The following PLD5 variants were observed in gnomAD, a reference collection of about 807,000 sequenced individuals.
The protein encoded by PLD5 is inactive phospholipase D5.
A neutral mutation model predicts 61.1 loss-of-function variants in PLD5; 36 were observed. That is an observed-to-expected ratio of 0.59 (90% CI 0.45 to 0.78). The LOEUF (loss-of-function observed/expected upper bound fraction) is 0.78, where lower values mean the gene tolerates loss of function less well. Among genes scored for constraint, PLD5 ranks in the 30% least tolerant of loss-of-function variants. PLD5 has a pLI of 0.00. For missense variants in PLD5, 515 were observed against 644.4 expected, an observed-to-expected ratio of 0.80 and a Z score of 2.17; for synonymous variants, 243 against 242.8, an observed-to-expected ratio of 1.00 and a Z score of -0.01.
intron 5 of PLD5, 117 bp from the exon 6 acceptor site, chr1:242,124,782 G>GT: frequency 1.3e-6 from 1 of 793,856 alleles, no homozygotes; most frequent in East Asian, 2.7e-5. Flanking sequence ...TGCATTTGAA[G>GT]TAAGTAGATA....
intron 1 of PLD5, among the ~76,000 whole-genome samples, chr1:242,500,600 A>G (rs2809988): frequency 0.82 from 124,945 of 152,164 alleles, 51,338 homozygotes; most frequent in East Asian, 0.88. Context: ...AGTTGCAGTC[A>G]GTAACTAAGG....
chr1:242,490,213 C>T (rs1254276778), intron 1 of PLD5, among the ~76,000 whole-genome samples: 1 of 152,164 alleles, frequency 6.6e-6, no homozygotes, highest in African/African-American at 2.4e-5. Flanking sequence ...AGGTTTGGGT[C>T]TTACTGGTGA....
chr1:242,308,709 A>G (rs1676520162), intron 2 of PLD5, among the ~76,000 whole-genome samples: 2 of 152,212 alleles, frequency 1.3e-5, no homozygotes, highest in African/African-American at 2.4e-5. Context: ...TTTTCAGACT[A>G]TTACTACTGG....
At chr1:242,202,402 G>T (rs1210437299) in intron 5 of PLD5, among the ~76,000 whole-genome samples, 3 of 152,122 alleles carry the variant, frequency 2.0e-5, no homozygotes, top group Non-Finnish European at 4.4e-5. Flanking sequence ...AGCTTACAAT[G>T]TGTAAGCTTT....
At chr1:242,278,254 G>GA (rs1223447100) in intron 3 of PLD5, among the ~76,000 whole-genome samples, 12 of 151,926 alleles carry the variant, frequency 7.9e-5, no homozygotes, top group Non-Finnish European at 2.9e-5. Context: ...AAGATACAGA[G>GA]AAAAAATAAA....
intron 7 of PLD5, among the ~76,000 whole-genome samples, chr1:242,111,435 A>T (rs931806687): frequency 2.6e-5 from 4 of 152,058 alleles, no homozygotes; most frequent in Non-Finnish European, 5.9e-5. Context: ...TGAAAACTAG[A>T]AGTTATTTCT....
intron 1 of PLD5, among the ~76,000 whole-genome samples, chr1:242,446,007 C>T (rs1170539471): frequency 6.6e-6 from 1 of 151,732 alleles, no homozygotes; most frequent in Non-Finnish European, 1.5e-5. Context: ...TTCTATTTTA[C>T]ACAAATATAT....
chr1:242,163,178 C>G lies in PLD5; in HGVS notation c.736-38513G>C, dbSNP rs562535829. ...TTTCTTGAGACGACGGAGTCTCACT[C>G]TGTCACCCAGGCTGGAGTGCAGTGG... is the stretch of plus-strand genomic sequence containing the variant. On this transcript the variant is annotated intron_variant, in intron 5 of 9. Transcript: ENST00000536534. Among the ~76,000 whole-genome samples, 15 of 142,248 alleles carry G rather than the reference C, an allele frequency of 1.1e-4. 1 individual carries two copies. The South Asian group carries it at 3.1e-3, about 30-fold the overall frequency. The allele number at this position is 142,248 out of a possible 152,430, so 93.3% of individuals were successfully genotyped here.
At chr1:242,341,390 C>T (rs1462694591) in intron 2 of PLD5, among the ~76,000 whole-genome samples, 8 of 152,308 alleles carry the variant, frequency 5.3e-5, no homozygotes, top group Non-Finnish European at 1.0e-4. Context: ...GTGTACTATG[C>T]TGAAGCGGCA....
chr1:242,490,932 G>GAAT (rs1253545508), intron 1 of PLD5, among the ~76,000 whole-genome samples: 2 of 152,130 alleles, frequency 1.3e-5, no homozygotes, highest in African/African-American at 4.8e-5. Context: ...AGCACATTTT[G>GAAT]AATAACAAGG....
At chr1:242,225,052 CA>C (rs1227189528) in intron 4 of PLD5, among the ~76,000 whole-genome samples, 1 of 152,176 alleles carries the variant, frequency 6.6e-6, no homozygotes, top group East Asian at 1.9e-4. Context: ...GAATGTCATA[CA>C]AATTGAGTCA....
intron 1 of PLD5, among the ~76,000 whole-genome samples, chr1:242,369,330 T>G (rs1661508184): frequency 6.6e-6 from 1 of 151,990 alleles, no homozygotes; most frequent in Admixed American, 6.6e-5. Flanking sequence ...TTTGGCAGTT[T>G]TTATCAGAAT....
chr1:242,266,350 C>T (rs1673670444), intron 3 of PLD5, among the ~76,000 whole-genome samples: 1 of 152,154 alleles, frequency 6.6e-6, no homozygotes, highest in Non-Finnish European at 1.5e-5. Flanking sequence ...CAGAGCACTC[C>T]AGCCTGGGCG....
Position 242,476,917 on chromosome 1 carries a change from A to C in PLD5, c.189+47171T>G, listed in dbSNP as rs544972451. On this transcript the variant is annotated intron_variant, in intron 1 of 9. Coordinates refer to ENST00000536534, the MANE Select transcript of PLD5 (RefSeq NM_001372062.1). ...GAAGAGCCACAGAAGAAATAATATA[A>C]GTGACAAATGAACAACTCCTGAGAA... Among the ~76,000 whole-genome samples, 7 of 152,306 alleles carry C rather than the reference A, an allele frequency of 4.6e-5. No individual in the cohort carries two copies. In the East Asian group the frequency reaches 1.4e-3, roughly 29 times the overall value.
At chr1:242,287,181 C>T (rs2489449) in intron 3 of PLD5, among the ~76,000 whole-genome samples, 2 of 152,118 alleles carry the variant, frequency 1.3e-5, no homozygotes, top group African/African-American at 2.4e-5. Flanking sequence ...CCATCCCAGA[C>T]GTTCCAGTCA....
chr1:242,169,740 C>T (rs1040035723), intron 5 of PLD5, among the ~76,000 whole-genome samples: 3 of 152,182 alleles, frequency 2.0e-5, no homozygotes, highest in Admixed American at 6.5e-5. Context: ...ACTCCAGCTT[C>T]GTTGTGGGAG....
intron 4 of PLD5, among the ~76,000 whole-genome samples, chr1:242,254,337 C>T (rs1366096103): frequency 7.4e-6 from 1 of 135,204 alleles, no homozygotes; most frequent in East Asian, 2.1e-4. Context: ...TATTATTATC[C>T]TCATTTAACT....
Position 242,221,630 on chromosome 1 carries a change from GTTTC to G in PLD5, c.608-1519_608-1516del, listed in dbSNP as rs1306839685. ...GCAGATTTTCTCTGAGGGTAGAGCAGTTTCTTTGTCTTCCAAGTGGCGGGCACAT... is the reference window on the plus strand; with the variant it reads ...GCAGATTTTCTCTGAGGGTAGAGCAGTTTGTCTTCCAAGTGGCGGGCACAT... On this transcript the variant is annotated intron_variant, in intron 4 of 9. Transcript: ENST00000536534. 4.6e-5 allele frequency among the ~76,000 whole-genome samples: 7 copies of G among 152,324 alleles called. No homozygotes were observed. The South Asian group carries it at 8.3e-4, about 18-fold the overall frequency.
At chr1:242,526,377 G>A (rs1457076815), upstream of PLD5, among the ~76,000 whole-genome samples, 2 of 152,162 alleles carry the variant, frequency 1.3e-5, no homozygotes, top group Non-Finnish European at 2.9e-5. Context: ...GACCCTGTCG[G>A]AGGTGAGGCT....
Sources: allele counts gnomAD v4.1 joint callset (sites outside exome capture counted in the v4.1 genomes callset), GRCh38; gene constraint gnomAD v4.1.1; transcripts MANE v1.5; gene names NCBI Gene and HGNC (gene_info 2026-07-23, HGNC 2026-07-21).